Variants in CSMD1 observed in about 807,000 individuals in gnomAD.
CSMD1 encodes the protein CUB and Sushi multiple domains 1.
CSMD1 carries 213 observed loss-of-function variants against 417.5 expected under a neutral mutation model. The observed-to-expected ratio is 0.51, with a 90% CI of 0.46 to 0.57. The LOEUF (loss-of-function observed/expected upper bound fraction) is 0.57. CSMD1 is among the 20% of genes least tolerant of loss of function. CSMD1 has a pLI of 0.00. For missense variants in CSMD1, 6,923 were observed against 4,529.7 expected (o/e 1.53, Z -15.17); for synonymous variants, 2,862 against 1,736.8 (o/e 1.65, Z -16.11).
intron 5 of CSMD1, among the ~76,000 whole-genome samples, chr8:3,995,611 C>G (rs370608683): frequency 6.6e-6 from 1 of 152,158 alleles, no homozygotes; most frequent in Non-Finnish European, 1.5e-5. Context: ...GCCAAGGGCT[C>G]CATCAGCTTT....
At chr8:4,612,053 G>A (rs562722910) in intron 2 of CSMD1, among the ~76,000 whole-genome samples, 6 of 152,180 alleles carry the variant, frequency 3.9e-5, no homozygotes, top group East Asian at 1.9e-4. Flanking sequence ...GGTTCCCGGC[G>A]TGTCCCTAGG....
chr8:4,443,778 C>G (rs544247714), intron 2 of CSMD1, among the ~76,000 whole-genome samples: 3 of 152,124 alleles, frequency 2.0e-5, no homozygotes, highest in Non-Finnish European at 4.4e-5. Context: ...CTATCTCTAC[C>G]AAGTGTGATC....
chr8:3,737,523 G>A (rs1347629295), intron 6 of CSMD1, among the ~76,000 whole-genome samples: 1 of 152,098 alleles, frequency 6.6e-6, no homozygotes, highest in East Asian at 1.9e-4. Flanking sequence ...TACTTACACT[G>A]TTACTGGTTT....
chr8:3,935,389 CT>C (rs1220307675), intron 5 of CSMD1, among the ~76,000 whole-genome samples: 1 of 152,208 alleles, frequency 6.6e-6, no homozygotes, highest in African/African-American at 2.4e-5. Context: ...TCTCTTTGGA[CT>C]TTGCTCTATT....
chr8:3,006,618 G>A (rs1369192729), intron 52 of CSMD1, among the ~76,000 whole-genome samples: 47 of 150,418 alleles, frequency 3.1e-4, no homozygotes, highest in South Asian at 8.5e-4. Context: ...AAATAATGCC[G>A]CATATCTACA....
rs547328384 is a variant in CSMD1, at chr8:3,100,200, C to T, written c.6950-3163G>A. Among the ~76,000 whole-genome samples, 8 of 152,068 alleles carry T rather than the reference C, an allele frequency of 5.3e-5. No individual in the cohort carries two copies. In the South Asian group the frequency reaches 1.4e-3, roughly 28 times the overall value. ...CCGAGTAGCTGGGACTACAGGCGCA[C>T]ACCACCCCTCCTGGCTAATTTTTGT... On this transcript the variant is annotated intron_variant, in intron 46 of 69. Transcript: ENST00000635120.
chr8:3,052,618 C>G lies in CSMD1; in HGVS notation c.7504G>C (p.Gly2502Arg). 1 of 1,610,846 alleles carries G rather than the reference C, an allele frequency of 6.2e-7. No individual in the cohort carries two copies. Among genetic ancestry groups the G allele is most frequent in the Non-Finnish European group, 8.5e-7 (1 of 1,178,590 alleles). ...AVSCGIPESPGNGSFTGNEFT... is the reference protein window; with the variant it reads ...AVSCGIPESPRNGSFTGNEFT... ...TCGTTCCCGGTAAATGAACCGTTTC[C>G]TGGGGATTCTGGGATTCCACAGGAC... Residue 2502 changes from glycine to arginine, a missense_variant, in exon 50 of 70, where the codon GGA becomes CGA. By Grantham distance (125) the Gly-to-Arg change is moderately radical (BLOSUM62 -2). Transcript: ENST00000635120.
intron 8 of CSMD1, among the ~76,000 whole-genome samples, chr8:3,596,789 C>T: frequency 9.6e-6 from 1 of 104,008 alleles, no homozygotes. Context: ...CACACACACT[C>T]ACACACACAT....
intron 7 of CSMD1, among the ~76,000 whole-genome samples, chr8:3,677,786 T>C (rs1799452965): frequency 6.6e-6 from 1 of 152,194 alleles, no homozygotes; most frequent in African/African-American, 2.4e-5. Context: ...AGAGTATATG[T>C]GCAATTTTTT....
intron 21 of CSMD1, among the ~76,000 whole-genome samples, chr8:3,350,667 T>C (rs1180126588): frequency 3.9e-5 from 6 of 152,216 alleles, no homozygotes; most frequent in African/African-American, 7.2e-5. Flanking sequence ...CACCGATTAA[T>C]TGCAGCTGAT....
chr8:4,145,668 C>G (rs1375065469), intron 3 of CSMD1, among the ~76,000 whole-genome samples: 1 of 150,970 alleles, frequency 6.6e-6, no homozygotes, highest in Non-Finnish European at 1.5e-5. Context: ...GGATTACAGC[C>G]TCACAACACC....
At chr8:3,149,444 C>T (rs1456063554) in intron 40 of CSMD1, among the ~76,000 whole-genome samples, 1 of 152,056 alleles carries the variant, frequency 6.6e-6, no homozygotes, top group Non-Finnish European at 1.5e-5. Context: ...ACGTGCCAAA[C>T]CCTGCACTAA....
At chr8:4,313,112 T>C (rs1371144546) in intron 3 of CSMD1, among the ~76,000 whole-genome samples, 2 of 152,196 alleles carry the variant, frequency 1.3e-5, no homozygotes, top group African/African-American at 4.8e-5. Context: ...ATTCTTATGG[T>C]CCCTTATTGG....
chr8:4,947,344 ATAAC>A lies in CSMD1; in HGVS notation c.85+46984_85+46987del, dbSNP rs540068388. On this transcript the variant is annotated intron_variant, in intron 1 of 69. Coordinates refer to ENST00000635120, the MANE Select transcript of CSMD1 (RefSeq NM_033225.6). ...TCAGTTCTTCTCCCAGTTAAAATGC[ATAAC>A]TAACCAAATTCTCAGCACTAATTAA... 5.0e-3 allele frequency among the ~76,000 whole-genome samples: 761 copies of A among 152,308 alleles called. 4 individuals are homozygous for A. The highest frequency in any genetic ancestry group is 8.0e-3 in the Non-Finnish European group (545 of 67,996).
intron 6 of CSMD1, among the ~76,000 whole-genome samples, chr8:3,711,748 AC>A (rs1563299057): frequency 6.6e-6 from 1 of 152,052 alleles, no homozygotes; most frequent in African/African-American, 2.4e-5. Context: ...CAAACGTATC[AC>A]CCCCACTATC....
intron 37 of CSMD1, among the ~76,000 whole-genome samples, chr8:3,167,911 C>T (rs1368606496): frequency 1.3e-5 from 2 of 152,102 alleles, no homozygotes; most frequent in East Asian, 1.9e-4. Context: ...TTTTAGAACA[C>T]ATGATAAACA....
At chr8:3,440,870 G>A (rs746063085) in intron 12 of CSMD1, among the ~76,000 whole-genome samples, 13 of 152,204 alleles carry the variant, frequency 8.5e-5, no homozygotes, top group Admixed American at 2.0e-4. Flanking sequence ...ATGAACAGAC[G>A]TTACAGCAGG....
At chr8:4,446,779 G>C (rs930893523) in intron 2 of CSMD1, among the ~76,000 whole-genome samples, 60 of 146,190 alleles carry the variant, frequency 4.1e-4, no homozygotes, top group Admixed American at 6.8e-4. Context: ...GTGTGTGTGT[G>C]TGTGTGTGTG....
At chr8:4,827,339 G>A (rs991620761) in intron 1 of CSMD1, among the ~76,000 whole-genome samples, 3 of 152,132 alleles carry the variant, frequency 2.0e-5, no homozygotes, top group African/African-American at 7.2e-5. Flanking sequence ...CCTAAGGCTA[G>A]AAGAGCACAC....
Sources: allele counts gnomAD v4.1 joint callset (sites outside exome capture counted in the v4.1 genomes callset), GRCh38; gene constraint gnomAD v4.1.1; transcripts MANE v1.5; gene names NCBI Gene and HGNC (gene_info 2026-07-23, HGNC 2026-07-21).